THSD7B: variants seen among roughly 807,000 people sequenced by gnomAD.
THSD7B encodes the protein thrombospondin type 1 domain containing 7B, also known as thrombospondin type-1 domain-containing protein 7B.
Under a neutral mutation model 213.6 loss-of-function variants are expected in THSD7B, and 138 were observed. The ratio of observed to expected loss-of-function variants is 0.65; its 90% CI spans 0.56 to 0.74. The LOEUF (loss-of-function observed/expected upper bound fraction) is 0.74. Among genes scored for constraint, THSD7B ranks in the 30% least tolerant of loss-of-function variants. The probability of loss-of-function intolerance (pLI) is 0.00; values close to 1 mark genes in which losing one functional copy is unlikely to be tolerated. For missense variants in THSD7B, 1,931 were observed against 1,991.5 expected, an observed-to-expected ratio of 0.97 and a Z score of 0.58; for synonymous variants, 742 against 687.0, an observed-to-expected ratio of 1.08 and a Z score of -1.25.
intron 1 of THSD7B, among the ~76,000 whole-genome samples, chr2:136,808,440 A>C (rs1346307939): frequency 1.3e-5 from 2 of 152,176 alleles, no homozygotes; most frequent in Non-Finnish European, 2.9e-5. Context: ...TCACCTGTTG[A>C]ATAGATGCAT....
chr2:137,426,800 C>T (rs1014845928), intron 14 of THSD7B, among the ~76,000 whole-genome samples: 2 of 151,904 alleles, frequency 1.3e-5, no homozygotes, highest in African/African-American at 4.8e-5. Context: ...AAATAAGTGA[C>T]CACATAAACT....
intron 1 of THSD7B, among the ~76,000 whole-genome samples, chr2:136,858,433 G>A (rs996049965): frequency 1.3e-5 from 2 of 152,112 alleles, no homozygotes; most frequent in African/African-American, 4.8e-5. Context: ...ACAATATAAG[G>A]CTAATGGTCC....
At chr2:137,070,907 G>C (rs1687472811) in intron 3 of THSD7B, among the ~76,000 whole-genome samples, 2 of 146,246 alleles carry the variant, frequency 1.4e-5, no homozygotes, top group African/African-American at 5.2e-5. Context: ...ATTTTTTATG[G>C]CTGCATAGTA....
At chr2:137,587,223 A>G (rs1472878635) in intron 17 of THSD7B, among the ~76,000 whole-genome samples, 1 of 152,086 alleles carries the variant, frequency 6.6e-6, no homozygotes, top group Non-Finnish European at 1.5e-5. Context: ...TGGTTATTCT[A>G]GTTAGCCATT....
At chr2:137,443,302 T>A (rs1687459375) in intron 14 of THSD7B, among the ~76,000 whole-genome samples, 1 of 152,138 alleles carries the variant, frequency 6.6e-6, no homozygotes, top group South Asian at 2.1e-4. Flanking sequence ...AGGTTGACAC[T>A]GATACATTTA....
intron 2 of THSD7B, among the ~76,000 whole-genome samples, chr2:137,025,003 C>T (rs1294779233): frequency 4.6e-5 from 7 of 152,132 alleles, no homozygotes; most frequent in Non-Finnish European, 1.0e-4. Context: ...ACTCATTCTT[C>T]CATTTTGCTT....
intron 12 of THSD7B, among the ~76,000 whole-genome samples, chr2:137,373,235 A>G (rs28876744): frequency 0.23 from 35,368 of 152,044 alleles, 4,620 homozygotes; most frequent in South Asian, 0.3. Flanking sequence ...GCCGGGTCAA[A>G]TGGTATTTCT....
At chr2:136,869,936 G>A (rs570618175) in intron 1 of THSD7B, among the ~76,000 whole-genome samples, 1 of 152,272 alleles carries the variant, frequency 6.6e-6, no homozygotes, top group Admixed American at 6.5e-5. Flanking sequence ...GCCAGGCATG[G>A]TGGCACGTGC....
intron 14 of THSD7B, among the ~76,000 whole-genome samples, chr2:137,432,581 A>G (rs1687210044): frequency 6.6e-6 from 1 of 151,998 alleles, no homozygotes; most frequent in African/African-American, 2.4e-5. Context: ...TTTTCCTAGG[A>G]TGTTTCCATT....
At chr2:136,970,461 TCAAAAAAA>T (rs1685387347) in intron 2 of THSD7B, among the ~76,000 whole-genome samples, 1 of 110,076 alleles carries the variant, frequency 9.1e-6, no homozygotes, top group Admixed American at 9.9e-5. Context: ...TGAGTCTGTC[TCAAAAAAA>T]CAAACAAACA....
chr2:137,575,074 A>G (rs1474859468), intron 17 of THSD7B, among the ~76,000 whole-genome samples: 1 of 152,130 alleles, frequency 6.6e-6, no homozygotes, highest in Non-Finnish European at 1.5e-5. Context: ...CTTTAGAGAC[A>G]AACACATAAA....
At chr2:137,081,283 A>G (rs761854104) in intron 3 of THSD7B, among the ~76,000 whole-genome samples, 8 of 152,090 alleles carry the variant, frequency 5.3e-5, no homozygotes, top group Non-Finnish European at 8.8e-5. Context: ...AGAATTTTAA[A>G]CATTATTTTG....
chr2:137,338,132 T>C (rs1356496323), intron 12 of THSD7B, among the ~76,000 whole-genome samples: 1 of 152,136 alleles, frequency 6.6e-6, no homozygotes, highest in Non-Finnish European at 1.5e-5. Context: ...TTTCTTTAGT[T>C]TGAAGCCTGG....
chr2:136,972,039 C>A (rs1685413497), intron 2 of THSD7B, among the ~76,000 whole-genome samples: 1 of 152,146 alleles, frequency 6.6e-6, no homozygotes, highest in African/African-American at 2.4e-5. Flanking sequence ...ATCTAGGAAA[C>A]CTTTCCTGGT....
chr2:137,313,268 T>C (rs1683970347), intron 12 of THSD7B, among the ~76,000 whole-genome samples: 1 of 152,106 alleles, frequency 6.6e-6, no homozygotes, highest in Non-Finnish European at 1.5e-5. Context: ...GTAATGGCCT[T>C]CTTTGTCTCT....
At chr2:137,673,875 G>C (rs962039890) in intron 27 of THSD7B, among the ~76,000 whole-genome samples, 5 of 152,142 alleles carry the variant, frequency 3.3e-5, no homozygotes, top group Admixed American at 1.3e-4. Flanking sequence ...GCAATTGGGA[G>C]GTTGCACAAT....
chr2:137,199,496 C>T (rs536281737), intron 7 of THSD7B, among the ~76,000 whole-genome samples: 21 of 152,260 alleles, frequency 1.4e-4, no homozygotes, highest in African/African-American at 4.8e-4. Flanking sequence ...GTTATTTACA[C>T]TTGTCATGTT....
At chr2:136,910,910 T>G (rs1312653623) in intron 2 of THSD7B, among the ~76,000 whole-genome samples, 2 of 152,156 alleles carry the variant, frequency 1.3e-5, no homozygotes, top group Non-Finnish European at 2.9e-5. Context: ...TACCCCAAAT[T>G]ATATCATTTA....
chr2:137,181,685 T>A (rs1055353470), intron 7 of THSD7B, among the ~76,000 whole-genome samples: 5 of 152,050 alleles, frequency 3.3e-5, no homozygotes, highest in Non-Finnish European at 7.4e-5. Flanking sequence ...ACAGGACAAT[T>A]TTGTATTTTT....
Sources: gnomAD v4.1 joint callset for allele counts (sites outside exome capture counted in the v4.1 genomes callset) on GRCh38, gnomAD v4.1.1 for gene constraint, MANE v1.5 for transcripts, NCBI Gene and HGNC (gene_info 2026-07-23, HGNC 2026-07-21) for gene names.